The following FCHO2 variants were observed in gnomAD, a reference collection of about 807,000 sequenced individuals.
FCHO2 encodes FCH and mu domain containing endocytic adaptor 2, also known as F-BAR domain only protein 2.
A neutral mutation model predicts 114.1 loss-of-function variants in FCHO2; 43 were observed. The observed-to-expected ratio is 0.38, with a 90% confidence interval of 0.30 to 0.49. FCHO2 has a LOEUF of 0.49. FCHO2 is among the 20% of genes least tolerant of loss of function. The probability of loss-of-function intolerance (pLI) is 0.97; values close to 1 mark genes in which losing one functional copy is unlikely to be tolerated. For synonymous variants in FCHO2, 293 were observed against 315.2 expected (o/e 0.93, Z 0.75); for missense variants, 807 against 950.4 (o/e 0.85, Z 1.98).
rs1757372317 is a variant in FCHO2, at chr5:73,052,211, T to A, written c.998-121T>A. On this transcript the variant is annotated intron_variant, in intron 12 of 25. Transcript: ENST00000430046. ...GTCCTGGGATTACAGGCGTGAGCCG[T>A]CGCACCCGGCCCAAAGTCTGTGTAA... 4.0e-6 allele frequency: 4 copies of A among 1,000,324 alleles called. No homozygotes were observed. In the South Asian group the frequency reaches 7.0e-5, roughly 18 times the overall value. The allele number at this position is 1,000,324 out of a possible 1,614,324, so 62.0% of individuals were successfully genotyped here. A position where few individuals can be genotyped will look rare whatever the true frequency, so the allele number is the denominator to read the frequency against.
chr5:73,076,553 C>G (rs951569938), intron 20 of FCHO2, among the ~76,000 whole-genome samples: 2 of 152,054 alleles, frequency 1.3e-5, no homozygotes, highest in African/African-American at 4.8e-5. Flanking sequence ...TGAATGAAGT[C>G]CTTCAGTATA....
At chr5:73,028,972 C>T (rs1756088775) in intron 8 of FCHO2, among the ~76,000 whole-genome samples, 1 of 152,040 alleles carries the variant, frequency 6.6e-6, no homozygotes. Flanking sequence ...ATTTATATAA[C>T]TTTCTAGAAA....
At chr5:72,997,616 C>G in intron 5 of FCHO2, 1 of 1,423,590 alleles carries the variant, frequency 7.0e-7, no homozygotes, top group South Asian at 1.1e-5. Context: ...CGTGCTGAGC[C>G]GCAACCTTCA....
Position 73,022,467 on chromosome 5 carries a change from A to G in FCHO2, c.796+5159A>G, listed in dbSNP as rs369120741. The stretch of plus-strand genomic sequence containing the variant: ...GCTCTTTTTACTGCTTTTTGCTTTT[A>G]TATGCCAGTGTCATTTCCTAAGACA... On this transcript the variant is annotated intron_variant, in intron 8 of 25. Transcript: ENST00000430046. Among the ~76,000 whole-genome samples, 243 of 151,834 alleles carry G rather than the reference A, an allele frequency of 1.6e-3. 1 individual carries two copies. Among genetic ancestry groups the G allele is most frequent in the African/African-American group, 5.7e-3 (234 of 41,402 alleles).
At chr5:73,063,747 G>A in intron 17 of FCHO2, 94 bp from the exon 18 acceptor site, 1 of 1,139,686 alleles carries the variant, frequency 8.8e-7, no homozygotes, top group Non-Finnish European at 1.3e-6. Context: ...AATGAGCTTT[G>A]ATTACCAAAA....
intron 18 of FCHO2, among the ~76,000 whole-genome samples, chr5:73,067,798 G>A (rs1742429836): frequency 2.0e-5 from 3 of 151,508 alleles, no homozygotes; most frequent in Non-Finnish European, 2.9e-5. Flanking sequence ...AGACAAATAC[G>A]CCTATTTTTT....
chr5:73,002,617 C>T (rs1462860458), intron 5 of FCHO2, among the ~76,000 whole-genome samples: 1 of 152,132 alleles, frequency 6.6e-6, no homozygotes, highest in Non-Finnish European at 1.5e-5. Flanking sequence ...AGAATAGATG[C>T]TTACTTTTTA....
intron 5 of FCHO2, chr5:72,997,270 C>A: frequency 7.7e-7 from 1 of 1,293,714 alleles, no homozygotes; most frequent in Non-Finnish European, 1.1e-6. Flanking sequence ...TTTTGGAAGT[C>A]GTGAGCGAGT....
chr5:72,956,896 GT>G (rs113083385), intron 1 of FCHO2, among the ~76,000 whole-genome samples: 1,840 of 144,098 alleles, frequency 0.013, 39 homozygotes, highest in African/African-American at 0.044. Context: ...TGCAGTTATT[GT>G]TTTTTTTTTT....
At chr5:72,997,555 CA>C (rs745429840) in intron 5 of FCHO2, 165 of 1,329,114 alleles carry the variant, frequency 1.2e-4, no homozygotes, top group Non-Finnish European at 1.7e-4. Context: ...CAACCCTTCT[CA>C]ACCTGCTCCC....
chr5:72,984,233 A>G (rs1212541365), intron 2 of FCHO2, among the ~76,000 whole-genome samples: 1 of 152,310 alleles, frequency 6.6e-6, no homozygotes, highest in East Asian at 1.9e-4. Flanking sequence ...GTCTAAACAC[A>G]ATTTGGTGGG....
At chr5:73,087,180 C>T (rs943570881) in intron 24 of FCHO2, among the ~76,000 whole-genome samples, 16 of 152,184 alleles carry the variant, frequency 1.1e-4, no homozygotes, top group African/African-American at 3.6e-4. Context: ...TTATACAACT[C>T]TTCCCAACCG....
chr5:73,016,144 T>C (rs1755294850), intron 7 of FCHO2, among the ~76,000 whole-genome samples: 2 of 152,084 alleles, frequency 1.3e-5, no homozygotes, highest in South Asian at 4.1e-4. Flanking sequence ...TAGAGAAAGA[T>C]GAAGTCTGTT....
intron 2 of FCHO2, among the ~76,000 whole-genome samples, chr5:72,980,739 T>C (rs1753157669): frequency 1.3e-5 from 2 of 152,228 alleles, no homozygotes; most frequent in African/African-American, 4.8e-5. Context: ...ATTTAAAGTC[T>C]GTTTTATCGA....
At position 73,077,389 on chromosome 5, in the gene FCHO2, T is replaced by C; in HGVS notation, c.1743T>C (p.Ile581=). ...TGACAATGTCATTTCCAAGTGGAATTATTAAAGTCTTCACCAGCAATCCAA... is the reference window on the plus strand; with the variant it reads ...TGACAATGTCATTTCCAAGTGGAATCATTAAAGTCTTCACCAGCAATCCAA... ...GDMTMSFPSG[I]IKVFTSNPTP... is the part of the protein sequence containing the mutation. The change falls in exon 21 of 26, where the codon ATT becomes ATC. Residue 581 remains isoleucine (I), a synonymous_variant. Coordinates refer to ENST00000430046, the MANE Select transcript of FCHO2 (RefSeq NM_138782.3). 2 of 1,588,698 alleles carry C rather than the reference T, an allele frequency of 1.3e-6. No homozygotes were observed. The highest frequency in any genetic ancestry group is 4.5e-5 in the East Asian group (2 of 44,178).
intron 1 of FCHO2, among the ~76,000 whole-genome samples, chr5:72,960,144 AC>A (rs1174595950): frequency 3.9e-5 from 6 of 152,162 alleles, no homozygotes; most frequent in Non-Finnish European, 7.3e-5. Context: ...ATAAAGACAA[AC>A]CTTTTTTGTT....
At position 73,058,441 on chromosome 5, in the gene FCHO2, C is replaced by G. The variant is rs1401376283; in HGVS notation, c.1262C>G (p.Thr421Ser). 20 of 1,556,314 alleles carry G rather than the reference C, an allele frequency of 1.3e-5. No homozygotes were observed. Among genetic ancestry groups the G allele is most frequent in the Non-Finnish European group, 1.7e-5 (20 of 1,149,950 alleles). The change falls in exon 17 of 26, where the codon ACC becomes AGC. Residue 421 changes from threonine to serine, a missense_variant. Transcript: ENST00000430046. ...TAAAAATATTATGGTAGAAAAGGAA[C>G]CAGTGATTTACTTGCTTGGGACCCC... ...KPSAPPNEKG[T>S]SDLLAWDPLF...
Position 72,990,844 on chromosome 5 carries a change from A to G in FCHO2, c.475A>G (p.Thr159Ala), listed in dbSNP as rs1236409152. 3 of 1,543,902 alleles carry G rather than the reference A, an allele frequency of 1.9e-6. No homozygotes were observed. In the Admixed American group the frequency reaches 6.2e-5, roughly 32 times the overall value. The part of the protein sequence containing the change: ...EQERLKKEGA[T>A]QREIEKAAVK... ...GGAGCGTTTGAAAAAGGAAGGAGCT[A>G]CACAAAGAGAAATAGAAAAGGTAAT... is the stretch of plus-strand genomic sequence containing the variant. Residue 159 changes from threonine to alanine, a missense_variant, in exon 5 of 26, where the codon ACA becomes GCA. Transcript: ENST00000430046.
At chr5:73,011,227 G>A (rs1336581456) in intron 6 of FCHO2, among the ~76,000 whole-genome samples, 1 of 152,136 alleles carries the variant, frequency 6.6e-6, no homozygotes, top group Non-Finnish European at 1.5e-5. Flanking sequence ...CACTACTGTA[G>A]ATTTTATAAG....
Sources: allele counts gnomAD v4.1 joint callset (sites outside exome capture counted in the v4.1 genomes callset), GRCh38; gene constraint gnomAD v4.1.1; transcripts MANE v1.5; gene names NCBI Gene and HGNC (gene_info 2026-07-23, HGNC 2026-07-21).